ZFHX3: variants seen among roughly 807,000 people sequenced by gnomAD.
ZFHX3 encodes zinc finger homeobox 3.
In ZFHX3, 42 loss-of-function variants were observed where a neutral mutation model predicts 279.1. The observed-to-expected ratio is 0.15, with a 90% CI of 0.12 to 0.19. ZFHX3 has a LOEUF of 0.19. Among genes scored for constraint, ZFHX3 ranks in the 10% least tolerant of loss-of-function variants. ZFHX3 has a pLI of 1.00. For synonymous variants in ZFHX3, 2,293 were observed against 1,957.8 expected (o/e 1.17, Z -4.52); for missense variants, 4,981 against 4,754.0 (o/e 1.05, Z -1.40).
chr16:73,537,583 TG>T (rs144673761), intron 2 of ZFHX3, among the ~76,000 whole-genome samples: 48 of 152,292 alleles, frequency 3.2e-4, no homozygotes, highest in Non-Finnish European at 6.3e-4. Flanking sequence ...CCCAAAGTGC[TG>T]GGATTACAGA....
chr16:73,455,075 A>G (rs887118508), intron 3 of ZFHX3, among the ~76,000 whole-genome samples: 2 of 152,130 alleles, frequency 1.3e-5, no homozygotes, highest in African/African-American at 2.4e-5. Flanking sequence ...TCTTTTTTGA[A>G]CCATCATGAC....
At chr16:73,544,469 C>T (rs562769438) in intron 2 of ZFHX3, among the ~76,000 whole-genome samples, 38 of 152,268 alleles carry the variant, frequency 2.5e-4, no homozygotes, top group African/African-American at 8.9e-4. Flanking sequence ...AGGGTAGGGG[C>T]ATTGCTGGCT....
intron 6 of ZFHX3, among the ~76,000 whole-genome samples, chr16:73,135,421 A>T (rs1966770538): frequency 6.6e-6 from 1 of 152,206 alleles, no homozygotes; most frequent in African/African-American, 2.4e-5. Context: ...TCTTTCGTGG[A>T]TGGGAATTAG....
intron 1 of ZFHX3, among the ~76,000 whole-genome samples, chr16:73,743,620 T>C (rs902170838): frequency 6.6e-6 from 1 of 152,180 alleles, no homozygotes; most frequent in Non-Finnish European, 1.5e-5. Flanking sequence ...ATATCTAAGT[T>C]CTTATTAGAA....
chr16:72,887,603 G>A (rs1228550235), intron 4 of ZFHX3, among the ~76,000 whole-genome samples: 2 of 151,150 alleles, frequency 1.3e-5, no homozygotes, highest in Non-Finnish European at 3.0e-5. Context: ...TGTGGGTAGA[G>A]TGAGGGTGCG....
intron 3 of ZFHX3, among the ~76,000 whole-genome samples, chr16:72,918,580 C>T (rs1170661566): frequency 3.3e-5 from 5 of 152,040 alleles, no homozygotes; most frequent in African/African-American, 1.2e-4. Context: ...ACTAGGCAGC[C>T]AGTAACTCAA....
intron 1 of ZFHX3, among the ~76,000 whole-genome samples, chr16:73,698,505 C>G (rs1275831326): frequency 6.6e-6 from 1 of 152,152 alleles, no homozygotes; most frequent in African/African-American, 2.4e-5. Flanking sequence ...TAGTTACCAT[C>G]TTAACCAAGA....
chr16:73,142,872 C>T (rs1409736974), intron 6 of ZFHX3, among the ~76,000 whole-genome samples: 2 of 152,094 alleles, frequency 1.3e-5, no homozygotes, highest in African/African-American at 4.8e-5. Context: ...CCAGAAAGGC[C>T]CAGTGATTGG....
chr16:73,206,694 G>A (rs777275245), intron 5 of ZFHX3, among the ~76,000 whole-genome samples: 8 of 151,814 alleles, frequency 5.3e-5, no homozygotes, highest in Non-Finnish European at 1.2e-4. Context: ...CCACCATCTC[G>A]ATATACAATT....
At chr16:72,976,970 A>G (rs1962377421) in intron 1 of ZFHX3, among the ~76,000 whole-genome samples, 1 of 152,334 alleles carries the variant, frequency 6.6e-6, no homozygotes, top group South Asian at 2.1e-4. Context: ...GGGATATTTT[A>G]GGTTGACCAT....
intron 2 of ZFHX3, among the ~76,000 whole-genome samples, chr16:73,526,303 G>T (rs1262564403): frequency 1.3e-5 from 2 of 152,226 alleles, no homozygotes; most frequent in African/African-American, 4.8e-5. Flanking sequence ...CAGGCCCAAT[G>T]AGGGCCAGTG....
chr16:73,129,633 TGTGTGC>T lies in ZFHX3; in HGVS notation c.-897+1329_-897+1334del, dbSNP rs1297246913. On this transcript the variant is annotated intron_variant, in intron 7 of 17. Coordinates refer to the ZFHX3 transcript ENST00000641206. ...GTGTGTGTGCATGCAGATGTGTGCG[TGTGTGC>T]GTGTGCGTGTGTGCATGTATGTGTG... 1.5e-4 allele frequency among the ~76,000 whole-genome samples: 22 copies of T among 151,280 alleles called. 1 individual carries two copies. Among genetic ancestry groups the T allele is most frequent in the African/African-American group, 3.2e-4 (13 of 40,896 alleles).
At chr16:73,854,793 TTTGA>T (rs1279374091) in intron 1 of ZFHX3, among the ~76,000 whole-genome samples, 1 of 150,488 alleles carries the variant, frequency 6.6e-6, no homozygotes, top group Non-Finnish European at 1.5e-5. Context: ...ACCTAAGACC[TTTGA>T]TTGTCTGTCT....
At chr16:72,876,490 C>T (rs1597336167) in intron 4 of ZFHX3, among the ~76,000 whole-genome samples, 1 of 152,172 alleles carries the variant, frequency 6.6e-6, no homozygotes, top group African/African-American at 2.4e-5. Context: ...ACTTCCTCCC[C>T]ACGAGGCATC....
intron 1 of ZFHX3, among the ~76,000 whole-genome samples, chr16:73,041,199 A>C (rs1024627194): frequency 2.0e-5 from 3 of 152,170 alleles, no homozygotes; most frequent in African/African-American, 4.8e-5. Flanking sequence ...CTCCAGTTAC[A>C]CATCTGGGAG....
At chr16:73,290,532 G>T (rs566702495) in intron 4 of ZFHX3, among the ~76,000 whole-genome samples, 2 of 152,322 alleles carry the variant, frequency 1.3e-5, no homozygotes, top group African/African-American at 4.8e-5. Flanking sequence ...TAACTTGTAG[G>T]TTTCAGCCTA....
In ZFHX3 at chr16:72,797,451, G is replaced by C. The variant is rs967087904; in HGVS notation, c.5231C>G (p.Thr1744Arg). 8.1e-6 allele frequency: 13 copies of C among 1,613,074 alleles called. No individual in the cohort carries two copies. The highest frequency in any genetic ancestry group is 1.3e-5 in the African/African-American group (1 of 74,674). Residue 1744 changes from threonine to arginine, a missense_variant, in exon 9 of 10, where the codon ACG becomes AGG. Physicochemically the swap from Thr to Arg is moderately conservative, Grantham distance 71. Around this residue, in one of 7 missense-constraint regions of ZFHX3, gnomAD observed 1,751 missense variants for 1,770.0 expected, o/e 0.99. Coordinates refer to ENST00000268489, the MANE Select transcript of ZFHX3 (RefSeq NM_006885.4). ...AACTTGAGCCTGGGCCTGGGCCAGC[G>C]TTTGTGCTTGTTGTTGTTGTTGTTG... is the stretch of plus-strand genomic sequence containing the variant. ...QQQQQQQQAQTLAQAQAQVQA... is the reference protein window; with the variant it reads ...QQQQQQQQAQRLAQAQAQVQA...
chr16:73,033,748 T>C (rs1029771831), intron 1 of ZFHX3, among the ~76,000 whole-genome samples: 4 of 152,130 alleles, frequency 2.6e-5, no homozygotes, highest in South Asian at 2.1e-4. Context: ...CTTCTCAGCT[T>C]ACCAGGGGCA....
chr16:73,391,947 A>C (rs1397914484), intron 3 of ZFHX3, among the ~76,000 whole-genome samples: 2 of 152,182 alleles, frequency 1.3e-5, no homozygotes, highest in African/African-American at 4.8e-5. Context: ...AGAAGAGTAA[A>C]CAGAATATAC....
Sources: gnomAD v4.1 joint callset for allele counts (sites outside exome capture counted in the v4.1 genomes callset) on GRCh38, gnomAD v4.1.1 for gene constraint, gnomAD v4.1.1 regional missense constraint, MANE v1.5 for transcripts, NCBI Gene and HGNC (gene_info 2026-07-23, HGNC 2026-07-21) for gene names.